The following FGGY variants were observed in gnomAD, a reference collection of about 807,000 sequenced individuals.
The protein encoded by FGGY is FGGY carbohydrate kinase domain-containing protein.
In FGGY, 72 loss-of-function variants were observed where a neutral mutation model predicts 71.3. The observed-to-expected ratio is 1.01, with a 90% CI of 0.84 to 1.23. The LOEUF is 1.23. Among genes scored for constraint, FGGY ranks in the 50% most tolerant of loss-of-function variants. FGGY has a pLI of 0.00. For missense variants in FGGY, 668 were observed against 682.3 expected, an observed-to-expected ratio of 0.98 and a Z score of 0.23; for synonymous variants, 251 against 250.3, an observed-to-expected ratio of 1.00 and a Z score of -0.02.
At chr1:59,588,289 CT>C (rs1281756354) in intron 8 of FGGY, among the ~76,000 whole-genome samples, 1 of 151,978 alleles carries the variant, frequency 6.6e-6, no homozygotes, top group African/African-American at 2.4e-5. Flanking sequence ...AAATATGGGA[CT>C]ATGTGAAAAG....
chr1:59,449,805 T>TA (rs113757244), intron 5 of FGGY, among the ~76,000 whole-genome samples: 2 of 151,496 alleles, frequency 1.3e-5, no homozygotes, highest in South Asian at 4.2e-4. Context: ...CTCTAAAAAA[T>TA]AAAAAAAAGA....
chr1:59,334,409 G>A (rs2049071466), intron 2 of FGGY, among the ~76,000 whole-genome samples: 1 of 152,146 alleles, frequency 6.6e-6, no homozygotes, highest in Admixed American at 6.5e-5. Flanking sequence ...CTCCCAAAGT[G>A]TTGGGATTAC....
rs72917741 is a variant in FGGY, at chr1:59,553,173, G to C, written c.800-951G>C. On this transcript the variant is annotated intron_variant, in intron 7 of 15. Transcript: ENST00000303721. The stretch of plus-strand genomic sequence containing the variant: ...TGAGAGCAAACGTGGCATTGCCTGG[G>C]AGCTGATGAGGTCAGCAGGACCTGT... 7.0e-3 allele frequency among the ~76,000 whole-genome samples: 1,068 copies of C among 152,272 alleles called. 11 individuals carry two copies. The highest frequency in any genetic ancestry group is 0.024 in the African/African-American group (1,000 of 41,552).
At chr1:59,673,971 C>G in intron 13 of FGGY, 68 bp from the exon 14 acceptor site, 1 of 1,425,434 alleles carries the variant, frequency 7.0e-7, no homozygotes, top group African/African-American at 1.4e-5. Flanking sequence ...GCCACTGCGG[C>G]TGCTTGTTGG....
intron 11 of FGGY, among the ~76,000 whole-genome samples, chr1:59,643,072 GA>G (rs932724596): frequency 1.4e-5 from 2 of 147,884 alleles, no homozygotes; most frequent in African/African-American, 2.5e-5. Flanking sequence ...TACATACAAA[GA>G]AAAAAATACC....
chr1:59,652,822 A>G (rs990157409), intron 11 of FGGY, among the ~76,000 whole-genome samples: 1 of 152,050 alleles, frequency 6.6e-6, no homozygotes, highest in Non-Finnish European at 1.5e-5. Flanking sequence ...GGAGGAGGAG[A>G]GACGCTCTGC....
At chr1:59,405,485 A>G (rs1003617131) in intron 5 of FGGY, among the ~76,000 whole-genome samples, 5 of 152,226 alleles carry the variant, frequency 3.3e-5, no homozygotes, top group African/African-American at 1.2e-4. Context: ...AAGGTGTTTT[A>G]TGGCTAGTAG....
chr1:59,477,973 G>A (rs1443176527), intron 6 of FGGY, among the ~76,000 whole-genome samples: 1 of 152,162 alleles, frequency 6.6e-6, no homozygotes, highest in African/African-American at 2.4e-5. Flanking sequence ...TTGGAGTAAT[G>A]GAAATAACAT....
intron 14 of FGGY, among the ~76,000 whole-genome samples, chr1:59,679,631 CTATT>C (rs1413486181): frequency 6.6e-6 from 1 of 151,558 alleles, no homozygotes; most frequent in African/African-American, 2.4e-5. Flanking sequence ...TACTTATTAA[CTATT>C]TAATATTATG....
intron 6 of FGGY, among the ~76,000 whole-genome samples, chr1:59,500,681 A>G (rs2094197262): frequency 6.6e-6 from 1 of 151,738 alleles, no homozygotes; most frequent in East Asian, 1.9e-4. Context: ...AAAAAAAAAA[A>G]AAAAAGGAAG....
At chr1:59,571,585 G>A (rs1011978638) in intron 8 of FGGY, among the ~76,000 whole-genome samples, 10 of 152,148 alleles carry the variant, frequency 6.6e-5, no homozygotes, top group African/African-American at 2.4e-4. Flanking sequence ...TCCATTCCTA[G>A]GTAGGAAGCT....
chr1:59,460,386 CAG>C (rs1389483366), intron 6 of FGGY, among the ~76,000 whole-genome samples: 1 of 152,162 alleles, frequency 6.6e-6, no homozygotes, highest in East Asian at 1.9e-4. Flanking sequence ...AGTAGGTAAA[CAG>C]AGCAGCTCGG....
At chr1:59,567,031 A>G (rs2153727684) in intron 8 of FGGY, among the ~76,000 whole-genome samples, 1 of 152,314 alleles carries the variant, frequency 6.6e-6, no homozygotes, top group Middle Eastern at 3.4e-3. Flanking sequence ...ATAGATATAT[A>G]CATGAGCATA....
chr1:59,719,103 G>A (rs555111925), intron 14 of FGGY, among the ~76,000 whole-genome samples: 2 of 152,266 alleles, frequency 1.3e-5, no homozygotes, highest in African/African-American at 4.8e-5. Flanking sequence ...AGTGTGTTCA[G>A]CCACCTTCTC....
chr1:59,567,048 G>A (rs1410251565), intron 8 of FGGY, among the ~76,000 whole-genome samples: 2 of 152,138 alleles, frequency 1.3e-5, no homozygotes, highest in Non-Finnish European at 2.9e-5. Context: ...CATAAGGACA[G>A]ACAGAAAAAT....
At position 59,533,745 on chromosome 1, in the gene FGGY, C is replaced by G. The variant is rs184538449; in HGVS notation, c.800-20379C>G. ...CCCCCCAGCAGGGGCAGACTGACAC[C>G]TCACACAGACCTGCAGCTGAGGGTC... On this transcript the variant is annotated intron_variant, in intron 7 of 15. Coordinates refer to ENST00000303721, the MANE Select transcript of FGGY (RefSeq NM_018291.5). 6.9e-3 allele frequency among the ~76,000 whole-genome samples: 1,051 copies of G among 152,310 alleles called. 10 individuals carry two copies. The highest frequency in any genetic ancestry group is 0.024 in the African/African-American group (987 of 41,568).
At chr1:59,677,115 C>T (rs1182376886) in intron 14 of FGGY, among the ~76,000 whole-genome samples, 2 of 152,162 alleles carry the variant, frequency 1.3e-5, no homozygotes, top group African/African-American at 2.4e-5. Flanking sequence ...GTAGACTTGG[C>T]GTCATTTGCT....
rs188440516 is a variant in FGGY, at chr1:59,690,313, G to A, written c.1512+16180G>A. 2.0e-3 allele frequency among the ~76,000 whole-genome samples: 298 copies of A among 152,116 alleles called. 1 individual carries two copies. The highest frequency in any genetic ancestry group is 7.0e-3 in the African/African-American group (289 of 41,472). ...TATTGGCTCACTTAGTCCTCACAACGGTCCCATGAGATCCTGATATTAGTT... is the reference window on the plus strand; with the variant it reads ...TATTGGCTCACTTAGTCCTCACAACAGTCCCATGAGATCCTGATATTAGTT... On this transcript the variant is annotated intron_variant, in intron 14 of 15. Transcript: ENST00000303721.
intron 2 of FGGY, among the ~76,000 whole-genome samples, chr1:59,339,712 T>C (rs1183189907): frequency 5.9e-5 from 9 of 151,336 alleles, no homozygotes; most frequent in Non-Finnish European, 1.2e-4. Flanking sequence ...ATCTACCCAC[T>C]TCGGCCTCCC....
Sources: gnomAD v4.1 joint callset for allele counts (sites outside exome capture counted in the v4.1 genomes callset) on GRCh38, gnomAD v4.1.1 for gene constraint, MANE v1.5 for transcripts, NCBI Gene and HGNC (gene_info 2026-07-23, HGNC 2026-07-21) for gene names.